The following XKR4 variants were observed in gnomAD, a reference collection of about 807,000 sequenced individuals.
XKR4 encodes XK-related protein 4.
In XKR4, 12 loss-of-function variants were observed where a neutral mutation model predicts 53.9. The ratio of observed to expected loss-of-function variants is 0.22; its 90% CI spans 0.14 to 0.36. XKR4 has a LOEUF of 0.36. Ranked by LOEUF, XKR4 falls within the 10% of genes least tolerant of loss-of-function variation. The pLI, the probability that XKR4 is intolerant of heterozygous loss-of-function variation, is 1.00. For synonymous variants in XKR4, 354 were observed against 362.4 expected (o/e 0.98, Z 0.26); for missense variants, 799 against 859.5 (o/e 0.93, Z 0.88).
At chr8:55,117,437 C>T (rs1816325444) in intron 1 of XKR4, among the ~76,000 whole-genome samples, 1 of 152,208 alleles carries the variant, frequency 6.6e-6, no homozygotes, top group African/African-American at 2.4e-5. Flanking sequence ...TCCTGCCTTG[C>T]TTAAGGCCGA....
At chr8:55,461,731 A>T (rs559912091) in intron 2 of XKR4, among the ~76,000 whole-genome samples, 82 of 152,350 alleles carry the variant, frequency 5.4e-4, no homozygotes, top group African/African-American at 1.9e-3. Context: ...CTTTGAAAAA[A>T]ATTAGACGAA....
intron 2 of XKR4, chr8:55,451,919 G>C: frequency 1.3e-6 from 1 of 792,144 alleles, no homozygotes; most frequent in Middle Eastern, 2.5e-4. Context: ...TCCTCCTCCT[G>C]GTCCTCAGAG....
intron 2 of XKR4, among the ~76,000 whole-genome samples, chr8:55,457,120 T>G (rs947163700): frequency 6.6e-6 from 1 of 150,782 alleles, no homozygotes; most frequent in Non-Finnish European, 1.5e-5. Flanking sequence ...AATGACATAT[T>G]CAAGTGCTGA....
At position 55,523,385 on chromosome 8, in the gene XKR4, G is replaced by A. The variant is rs1250153684; in HGVS notation, c.1111G>A (p.Ala371Thr). ...RDDKKPISYM[A>T]VIIQFCWHFF... ...TGACAAGAAGCCCATCAGCTACATG[G>A]CCGTCATCATCCAGTTCTGCTGGCA... The change falls in exon 3 of 3, where the codon GCC (alanine) becomes ACC (threonine). Residue 371 changes from alanine (A) to threonine (T), a missense_variant. Physicochemically the swap from Ala to Thr is moderately conservative, Grantham distance 58. Coordinates refer to ENST00000327381, the MANE Select transcript of XKR4 (RefSeq NM_052898.2). The A allele has an allele frequency of 5.6e-6, 9 of 1,614,078 alleles. No individual in the cohort carries two copies. In the Admixed American group the frequency reaches 1.0e-4, roughly 18 times the overall value.
intron 1 of XKR4, among the ~76,000 whole-genome samples, chr8:55,327,353 C>CA (rs764388702): frequency 0.041 from 5,577 of 135,292 alleles, 271 homozygotes; most frequent in African/African-American, 0.13. Flanking sequence ...TGAAGAAAGC[C>CA]AAAAAAAAAA....
chr8:55,439,736 G>T (rs1333340542), intron 2 of XKR4, among the ~76,000 whole-genome samples: 1 of 152,024 alleles, frequency 6.6e-6, no homozygotes, highest in East Asian at 1.9e-4. Context: ...AGTAAAAAGG[G>T]TTAACATATA....
rs1423312488 is a variant in XKR4 at position 55,150,523 on chromosome 8, A to G, written c.806+47229A>G. ...CTTAGGAAGTCGTGCATGACCCTTC[A>G]TAACTCTCCCATTCCTCAGCTCACC... On this transcript the variant is annotated intron_variant, in intron 1 of 2. Transcript: ENST00000327381. 7.2e-5 allele frequency among the ~76,000 whole-genome samples: 11 copies of G among 152,134 alleles called. No homozygotes were observed. In the South Asian group the frequency reaches 1.9e-3, roughly 26 times the overall value.
chr8:55,248,242 C>A (rs1274201620), intron 1 of XKR4, among the ~76,000 whole-genome samples: 1 of 152,166 alleles, frequency 6.6e-6, no homozygotes, highest in South Asian at 2.1e-4. Flanking sequence ...TCACAAGGAA[C>A]CCAGTTTCTA....
rs1807037047 is a variant in XKR4, at chr8:55,536,721, T to C, written c.*12494T>C. 1 of 152,244 alleles carries C rather than the reference T, an allele frequency of 6.6e-6. No individual in the cohort carries two copies. Among genetic ancestry groups the C allele is most frequent in the Admixed American group, 6.5e-5 (1 of 15,284 alleles). 9.4% of individuals were successfully genotyped at this position (152,244 alleles called of 1,614,324 possible). On this transcript the variant is annotated 3_prime_UTR_variant, in exon 3 of 3. Coordinates refer to ENST00000327381, the MANE Select transcript of XKR4 (RefSeq NM_052898.2). ...ATAATGCAGAACAAATGTTATTTAA[T>C]TTTTATTTACTTTCAGCAAACACAT...
chr8:55,367,971 GT>G (rs1012923658), intron 2 of XKR4, among the ~76,000 whole-genome samples: 1 of 151,688 alleles, frequency 6.6e-6, no homozygotes, highest in Admixed American at 6.6e-5. Context: ...TTTGTTTTTT[GT>G]TTTTTTGAGA....
chr8:55,346,211 G>C (rs572011554), intron 1 of XKR4, among the ~76,000 whole-genome samples: 1 of 151,198 alleles, frequency 6.6e-6, no homozygotes, highest in Non-Finnish European at 1.5e-5. Flanking sequence ...TCAGCCTTCC[G>C]AGTAGCAGGG....
chr8:55,214,073 G>A (rs1480659090), intron 1 of XKR4, among the ~76,000 whole-genome samples: 1 of 151,902 alleles, frequency 6.6e-6, no homozygotes, highest in Non-Finnish European at 1.5e-5. Context: ...TGTTGGCCTG[G>A]CTGGTCTCGA....
rs1488320634 is a variant in XKR4, at chr8:55,537,823, C to T, written c.*13596C>T. The T allele has an allele frequency of 1.3e-5, 2 of 152,190 alleles. No homozygotes were observed. Among genetic ancestry groups the T allele is most frequent in the African/African-American group, 2.4e-5 (1 of 41,448 alleles). The allele number at this position is 152,190 out of a possible 1,614,324, so 9.4% of individuals were successfully genotyped here. The stretch of plus-strand genomic sequence containing the variant: ...GTCCTATCGCAGATGTGTGTACCAG[C>T]CCAATTCAGTTTTGCTTTTCTTTTT... On this transcript the variant is annotated 3_prime_UTR_variant, in exon 3 of 3. Transcript: ENST00000327381.
Position 55,103,082 on chromosome 8 carries a change from T to A in XKR4, c.594T>A (p.Gly198=), listed in dbSNP as rs747370917. 2.5e-6 allele frequency: 4 copies of A among 1,612,568 alleles called. No homozygotes were observed. The highest frequency in any genetic ancestry group is 3.4e-6 in the Non-Finnish European group (4 of 1,179,670). ...PGADCKTVVG[G]GSAAGEGEAR... is the part of the protein sequence containing the mutation. ...CCGATTGCAAGACGGTGGTCGGCGG[T>A]GGGTCTGCAGCCGGGGAAGGCGAGG... The change falls in exon 1 of 3, where the codon GGT becomes GGA. Residue 198 remains glycine, a synonymous_variant. Coordinates refer to ENST00000327381, the MANE Select transcript of XKR4 (RefSeq NM_052898.2).
intron 2 of XKR4, among the ~76,000 whole-genome samples, chr8:55,396,087 T>C (rs1368928750): frequency 3.3e-5 from 5 of 152,226 alleles, no homozygotes; most frequent in African/African-American, 1.2e-4. Context: ...GACCACCTCC[T>C]AATACCATGG....
chr8:55,443,381 A>C (rs1805297730), intron 2 of XKR4, among the ~76,000 whole-genome samples: 1 of 151,774 alleles, frequency 6.6e-6, no homozygotes, highest in Admixed American at 6.6e-5. Context: ...ATAAAATTCA[A>C]CAACCATGAG....
At chr8:55,327,051 C>T (rs1803304849) in intron 1 of XKR4, among the ~76,000 whole-genome samples, 1 of 152,086 alleles carries the variant, frequency 6.6e-6, no homozygotes, top group Non-Finnish European at 1.5e-5. Flanking sequence ...GAAACACAAT[C>T]ACTTAAGATC....
At chr8:55,138,284 G>A (rs1304390286) in intron 1 of XKR4, among the ~76,000 whole-genome samples, 1 of 152,140 alleles carries the variant, frequency 6.6e-6, no homozygotes, top group Non-Finnish European at 1.5e-5. Flanking sequence ...GTCAATGGAG[G>A]CCACAAGGCT....
intron 2 of XKR4, among the ~76,000 whole-genome samples, chr8:55,393,444 AAG>A (rs1804472579): frequency 1.3e-5 from 2 of 150,996 alleles, no homozygotes; most frequent in Non-Finnish European, 3.0e-5. Flanking sequence ...GGAAGGAAGG[AAG>A]GAAGGAAGGA....
Sources: allele counts gnomAD v4.1 joint callset (sites outside exome capture counted in the v4.1 genomes callset), GRCh38; gene constraint gnomAD v4.1.1; transcripts MANE v1.5; gene names NCBI Gene and HGNC (gene_info 2026-07-23, HGNC 2026-07-21).